The following PHF21B variants were observed in gnomAD, a reference collection of about 807,000 sequenced individuals.
PHF21B encodes PHD finger protein 21B.
Under a neutral mutation model 62.2 loss-of-function variants are expected in PHF21B, and 22 were observed. The observed-to-expected ratio is 0.35, with a 90% confidence interval of 0.25 to 0.51. The LOEUF is 0.51. Among genes scored for constraint, PHF21B ranks in the 20% least tolerant of loss-of-function variants. PHF21B has a pLI of 0.97. For missense variants in PHF21B, 701 were observed against 707.9 expected, an observed-to-expected ratio of 0.99 and a Z score of 0.11; for synonymous variants, 341 against 314.7, an observed-to-expected ratio of 1.08 and a Z score of -0.88.
At position 44,893,459 on chromosome 22, in the gene PHF21B, C is replaced by G; in HGVS notation, c.958G>C (p.Glu320Gln). 6.3e-7 allele frequency: 1 copy of G among 1,595,124 alleles called. No homozygotes were observed. The highest frequency in any genetic ancestry group is 1.3e-5 in the African/African-American group (1 of 74,768). ...CATGGGGCTGGCGGGTTCCCCACCT[C>G]GGTCTCCAGGAGGCCGCTGTAGGCA... ...NPAYSGLLET[E>Q]RKRLASNYLN... The change falls in exon 7 of 13, where the codon GAG (glutamate) becomes CAG (glutamine). Residue 320 changes from glutamate to glutamine, a missense_variant and splice_region_variant. Physicochemically the swap from Glu to Gln is conservative, Grantham distance 29. Coordinates refer to ENST00000313237, the MANE Select transcript of PHF21B (RefSeq NM_138415.5).
intron 2 of PHF21B, among the ~76,000 whole-genome samples, chr22:44,968,179 CTCCT>C (rs1601657459): frequency 6.6e-6 from 1 of 152,134 alleles, no homozygotes; most frequent in East Asian, 1.9e-4. Context: ...TTACCCCTCC[CTCCT>C]TGAGGGCGGA....
chr22:45,006,526 T>G (rs1039580712), intron 2 of PHF21B, among the ~76,000 whole-genome samples: 5 of 152,202 alleles, frequency 3.3e-5, no homozygotes, highest in African/African-American at 1.2e-4. Flanking sequence ...TTCTTTCGGC[T>G]TATCTAAATT....
At chr22:44,942,992 G>T (rs1161354888) in intron 2 of PHF21B, among the ~76,000 whole-genome samples, 1 of 70,192 alleles carries the variant, frequency 1.4e-5, no homozygotes, top group Non-Finnish European at 2.9e-5. Context: ...CCAGCAGGGA[G>T]GGACCCCCCC....
chr22:44,928,535 G>A (rs1466314884), intron 2 of PHF21B, among the ~76,000 whole-genome samples: 2 of 152,030 alleles, frequency 1.3e-5, no homozygotes, highest in Admixed American at 6.6e-5. Flanking sequence ...TCAGCCTCCC[G>A]AGTAGCTGGG....
intron 2 of PHF21B, among the ~76,000 whole-genome samples, chr22:44,977,437 C>T (rs140700923): frequency 0.016 from 2,368 of 152,086 alleles, 46 homozygotes; most frequent in African/African-American, 0.051. Flanking sequence ...TGGTTGTGTG[C>T]GCCTGTAAGC....
chr22:44,957,449 G>A (rs897004381), intron 2 of PHF21B, among the ~76,000 whole-genome samples: 1 of 152,214 alleles, frequency 6.6e-6, no homozygotes, highest in Non-Finnish European at 1.5e-5. Flanking sequence ...TCTGGGGCTT[G>A]CCACTGTCCG....
chr22:44,890,976 C>T (rs766395326), intron 8 of PHF21B, among the ~76,000 whole-genome samples: 5 of 152,220 alleles, frequency 3.3e-5, no homozygotes, highest in Non-Finnish European at 7.3e-5. Flanking sequence ...AGGCCGCCCG[C>T]GTGTGGGGAA....
In PHF21B at chr22:44,993,555, C is replaced by T. The variant is rs561569682; in HGVS notation, c.120+14990G>A. ...GCGAGTCCAGAACCGCTCCCACACA[C>T]GGCAACGTGCAGTTGACACACACGC... On this transcript the variant is annotated intron_variant, in intron 2 of 12. Coordinates refer to ENST00000313237, the MANE Select transcript of PHF21B (RefSeq NM_138415.5). Among the ~76,000 whole-genome samples, 260 of 152,388 alleles carry T rather than the reference C, an allele frequency of 1.7e-3. 2 individuals are homozygous for T. The highest frequency in any genetic ancestry group is 2.9e-3 in the Non-Finnish European group (195 of 68,040).
rs2073381985 is a variant in PHF21B at position 45,009,247 on chromosome 22, G to A, written c.54+249C>T. ...GTCATGCAGACCCTACATCGCTTAA[G>A]AGAAGACTCCAGGCTCGGGTCCCAC... On this transcript the variant is annotated intron_variant, in intron 1 of 12. Coordinates refer to ENST00000313237, the MANE Select transcript of PHF21B (RefSeq NM_138415.5). This position sits in a 1 kb window ranked among gnomAD's most constrained non-coding sequence, Gnocchi z 5.9. 1.9e-6 allele frequency: 1 copy of A among 520,928 alleles called. No individual in the cohort carries two copies. 32.3% of individuals were successfully genotyped at this position (520,928 alleles called of 1,614,324 possible). A position where few individuals can be genotyped will look rare whatever the true frequency, so the allele number is the denominator to read the frequency against.
chr22:44,936,003 A>G (rs901549522), intron 2 of PHF21B, among the ~76,000 whole-genome samples: 1 of 152,220 alleles, frequency 6.6e-6, no homozygotes, highest in African/African-American at 2.4e-5. Context: ...TATTTTTAGA[A>G]GGAACAGCAC....
intron 2 of PHF21B, among the ~76,000 whole-genome samples, chr22:44,924,390 T>C (rs1275598447): frequency 2.6e-5 from 4 of 152,198 alleles, no homozygotes; most frequent in Non-Finnish European, 5.9e-5. Flanking sequence ...AACTTATGTA[T>C]GGCAATGAAC....
Position 45,009,706 on chromosome 22 carries a change from G to A in PHF21B, c.-157C>T, listed in dbSNP as rs1047813801. 6 of 631,548 alleles carry A rather than the reference G, an allele frequency of 9.5e-6. No individual in the cohort carries two copies. In the African/African-American group the frequency reaches 1.2e-4, roughly 12 times the overall value. The allele number at this position is 631,548 out of a possible 1,614,324, so 39.1% of individuals were successfully genotyped here. ...TCCCCCACGGCCGAAAGGGAAGGGGGCTGGCGAAGGGGAAGACAGGCTTCC... is the reference window on the plus strand; with the variant it reads ...TCCCCCACGGCCGAAAGGGAAGGGGACTGGCGAAGGGGAAGACAGGCTTCC... On this transcript the variant is annotated 5_prime_UTR_variant, in exon 1 of 13. Transcript: ENST00000313237. The surrounding 1 kb of genome is among the most constrained non-coding windows in gnomAD (Gnocchi z 5.9).
chr22:44,909,798 C>A (rs2147289422), intron 5 of PHF21B, among the ~76,000 whole-genome samples: 2 of 152,366 alleles, frequency 1.3e-5, no homozygotes, highest in East Asian at 3.9e-4. Context: ...TGGATCCTGG[C>A]AACTCCTCTA....
intron 2 of PHF21B, 41 bp downstream of exon 2, chr22:45,008,504 T>C: frequency 6.6e-7 from 1 of 1,504,570 alleles, no homozygotes; most frequent in Non-Finnish European, 9.0e-7. Context: ...CCAGCCACCC[T>C]CCCGCCCCAT....
intron 6 of PHF21B, among the ~76,000 whole-genome samples, chr22:44,893,927 C>G (rs958077235): frequency 6.6e-6 from 1 of 152,258 alleles, no homozygotes; most frequent in African/African-American, 2.4e-5. Context: ...TCCCAGCTCC[C>G]GGAAGCCCAG....
chr22:44,885,600 G>A (rs2070843390), intron 11 of PHF21B, 71 bp from the exon 12 acceptor site: 2 of 1,421,436 alleles, frequency 1.4e-6, no homozygotes, highest in Non-Finnish European at 9.5e-7. Context: ...GTAAATGGGA[G>A]AGGCAGAAGG....
intron 2 of PHF21B, among the ~76,000 whole-genome samples, chr22:44,926,785 C>T (rs145780185): frequency 3.9e-5 from 6 of 152,168 alleles, no homozygotes; most frequent in Admixed American, 6.5e-5. Flanking sequence ...TATCCGTGTC[C>T]GGGTGTTGCT....
chr22:44,950,481 G>A (rs1282286234), intron 2 of PHF21B, among the ~76,000 whole-genome samples: 1 of 152,198 alleles, frequency 6.6e-6, no homozygotes, highest in Non-Finnish European at 1.5e-5. Context: ...CCTAGCTTTA[G>A]CAATGCGGTT....
At chr22:44,913,783 C>A (rs1293438250) in intron 5 of PHF21B, 39 bp downstream of exon 5, 3 of 1,582,786 alleles carry the variant, frequency 1.9e-6, no homozygotes, top group African/African-American at 1.4e-5. Context: ...CACCTGCAGA[C>A]TGAGCAGGGC....
Sources: gnomAD v4.1 joint callset for allele counts (sites outside exome capture counted in the v4.1 genomes callset) on GRCh38, gnomAD v4.1.1 for gene constraint, Gnocchi (gnomAD v3.1) non-coding constraint, MANE v1.5 for transcripts, NCBI Gene and HGNC (gene_info 2026-07-23, HGNC 2026-07-21) for gene names.